Variants in CEP112 observed in about 807,000 individuals in gnomAD.
CEP112 encodes the protein centrosomal protein of 112 kDa.
In CEP112, 127 loss-of-function variants were observed where a neutral mutation model predicts 153.0. The observed-to-expected ratio is 0.83, with a 90% CI of 0.72 to 0.96. CEP112 has a LOEUF of 0.96. Ranked by LOEUF, CEP112 falls within the 40% of genes least tolerant of loss-of-function variation. The pLI is 0.00. For missense variants in CEP112, 1,089 were observed against 1,101.2 expected, an observed-to-expected ratio of 0.99 and a Z score of 0.16; for synonymous variants, 358 against 374.4, an observed-to-expected ratio of 0.96 and a Z score of 0.51.
At chr17:65,907,576 C>T (rs2060130570) in intron 19 of CEP112, among the ~76,000 whole-genome samples, 1 of 152,152 alleles carries the variant, frequency 6.6e-6, no homozygotes, top group Non-Finnish European at 1.5e-5. Context: ...TTCTGGATGT[C>T]ATGAGCCCTT....
At chr17:65,937,987 T>G (rs1599079225) in intron 18 of CEP112, among the ~76,000 whole-genome samples, 1 of 119,450 alleles carries the variant, frequency 8.4e-6, no homozygotes, top group Admixed American at 1.0e-4. Context: ...GGGGGAAAGG[T>G]GGGGAAAAGA....
At chr17:66,111,639 T>C (rs952863145) in intron 6 of CEP112, among the ~76,000 whole-genome samples, 1 of 152,010 alleles carries the variant, frequency 6.6e-6, no homozygotes, top group Non-Finnish European at 1.5e-5. Flanking sequence ...TTCTCACTTA[T>C]AAGTGAGAGC....
intron 12 of CEP112, among the ~76,000 whole-genome samples, chr17:66,048,362 G>A (rs1345921811): frequency 6.6e-6 from 1 of 151,924 alleles, no homozygotes; most frequent in Non-Finnish European, 1.5e-5. Flanking sequence ...ATATATAAGA[G>A]CAGGCATGAC....
At position 65,837,293 on chromosome 17, in the gene CEP112, C is replaced by T. The variant is rs531205176; in HGVS notation, c.2394+14511G>A. Among the ~76,000 whole-genome samples the T allele has an allele frequency of 2.0e-5, 3 of 151,936 alleles. No individual in the cohort carries two copies. The South Asian group carries it at 6.3e-4, about 32-fold the overall frequency. On this transcript the variant is annotated intron_variant, in intron 21 of 26. Transcript: ENST00000535342. ...TCTGGGATGTGAGGAGCCCCTCTGC[C>T]CGGCCGCCCAGTCTGGAAAGTGAGG...
At chr17:65,798,014 G>T (rs1033059041) in intron 21 of CEP112, among the ~76,000 whole-genome samples, 3 of 152,222 alleles carry the variant, frequency 2.0e-5, no homozygotes, top group Non-Finnish European at 2.9e-5. Flanking sequence ...TACTTGCATA[G>T]CGCCCCCTGG....
intron 12 of CEP112, among the ~76,000 whole-genome samples, chr17:66,041,547 G>A (rs561383418): frequency 1.8e-4 from 27 of 152,148 alleles, no homozygotes; most frequent in Admixed American, 6.5e-4. Context: ...TATTTCCTTG[G>A]TCAGGTGAGA....
chr17:66,074,090 G>GA (rs1489142430), intron 8 of CEP112, among the ~76,000 whole-genome samples: 1 of 151,912 alleles, frequency 6.6e-6, no homozygotes, highest in Non-Finnish European at 1.5e-5. Flanking sequence ...AAAATTAAAG[G>GA]AAAATATTAT....
chr17:65,816,981 T>C (rs1441851421), intron 21 of CEP112, among the ~76,000 whole-genome samples: 2 of 152,008 alleles, frequency 1.3e-5, no homozygotes, highest in African/African-American at 2.4e-5. Flanking sequence ...CAGTTGCTTA[T>C]AATTCTTTCT....
intron 21 of CEP112, among the ~76,000 whole-genome samples, chr17:65,845,371 T>C (rs1406624703): frequency 2.6e-5 from 4 of 152,126 alleles, no homozygotes; most frequent in Non-Finnish European, 5.9e-5. Flanking sequence ...CAGGATATCA[T>C]GAAACAATGA....
rs762678173 is a variant in CEP112, at chr17:66,062,947, A to G, written c.1074+16T>C. On this transcript the variant is annotated intron_variant, in intron 11 of 26. Coordinates refer to ENST00000535342, the MANE Select transcript of CEP112 (RefSeq NM_001199165.4). ...ATAAACTTTTATGTTTTCCATTAGTATTTTATGTAGCTTACCTTTTTTTCC... is the reference window on the plus strand; with the variant it reads ...ATAAACTTTTATGTTTTCCATTAGTGTTTTATGTAGCTTACCTTTTTTTCC... 7.5e-7 allele frequency: 1 copy of G among 1,333,614 alleles called. No individual in the cohort carries two copies. The highest frequency in any genetic ancestry group is 2.0e-5 in the Admixed American group (1 of 50,348). The allele number at this position is 1,333,614 out of a possible 1,614,324, so 82.6% of individuals were successfully genotyped here.
chr17:65,924,897 C>T (rs1043066439), intron 19 of CEP112, among the ~76,000 whole-genome samples: 6 of 152,082 alleles, frequency 3.9e-5, no homozygotes, highest in Admixed American at 3.3e-4. Context: ...TTTCATGATA[C>T]GGGCAGCTGC....
chr17:65,989,902 C>A (rs1443524620), intron 17 of CEP112, among the ~76,000 whole-genome samples: 1 of 152,060 alleles, frequency 6.6e-6, no homozygotes, highest in East Asian at 1.9e-4. Flanking sequence ...TAAGTTTTTT[C>A]ATTTTTTGTT....
Position 65,765,939 on chromosome 17 carries a change from G to A in CEP112, c.2395-15215C>T, listed in dbSNP as rs185875091. ...TGAAGACACCAATTCAGAAACACAA[G>A]AAACATGAAAAAGGAAGGAAATATG... is the stretch of plus-strand genomic sequence containing the variant. On this transcript the variant is annotated intron_variant, in intron 21 of 26. Coordinates refer to ENST00000535342, the MANE Select transcript of CEP112 (RefSeq NM_001199165.4). 5.4e-4 allele frequency among the ~76,000 whole-genome samples: 82 copies of A among 151,338 alleles called. 1 individual carries two copies. The highest frequency in any genetic ancestry group is 4.4e-5 in the Non-Finnish European group (3 of 67,614).
chr17:66,161,687 T>C (rs963047057), intron 4 of CEP112, among the ~76,000 whole-genome samples: 5 of 152,026 alleles, frequency 3.3e-5, no homozygotes, highest in African/African-American at 7.2e-5. Flanking sequence ...TGTCAGGGGA[T>C]TGGGGGCTAG....
At chr17:66,123,598 G>C (rs998921226) in intron 6 of CEP112, among the ~76,000 whole-genome samples, 3 of 152,148 alleles carry the variant, frequency 2.0e-5, no homozygotes, top group African/African-American at 7.2e-5. Context: ...TGTTTTGCTA[G>C]GGAGCACATC....
rs2073179235 is a variant in CEP112, at chr17:66,191,983, A to G, written c.-9+14T>C. 1.3e-5 allele frequency: 2 copies of G among 153,428 alleles called. No individual in the cohort carries two copies. Among genetic ancestry groups the G allele is most frequent in the African/African-American group, 4.8e-5 (2 of 41,416 alleles). 9.5% of individuals were successfully genotyped at this position (153,428 alleles called of 1,614,324 possible). On this transcript the variant is annotated intron_variant, in intron 1 of 26. Coordinates refer to ENST00000535342, the MANE Select transcript of CEP112 (RefSeq NM_001199165.4). This position sits in a 1 kb window ranked among gnomAD's most constrained non-coding sequence, Gnocchi z 4.2. The stretch of plus-strand genomic sequence containing the variant: ...GGAGGGGCGGGGGAAGGAAATTCAG[A>G]AAAAAACGAGAACCTGGCACCACCA...
chr17:66,149,506 C>T (rs1409293965), intron 4 of CEP112, among the ~76,000 whole-genome samples: 2 of 152,134 alleles, frequency 1.3e-5, no homozygotes, highest in African/African-American at 4.8e-5. Flanking sequence ...ATTCAATCTG[C>T]TTACTAAAGG....
intron 19 of CEP112, among the ~76,000 whole-genome samples, chr17:65,912,522 T>C (rs1229384807): frequency 6.6e-6 from 1 of 152,162 alleles, no homozygotes; most frequent in African/African-American, 2.4e-5. Context: ...CTGGCTTCTC[T>C]GGCCTAAAGC....
chr17:65,834,046 ACACATTTATAAC>A (rs1322781935), intron 21 of CEP112, among the ~76,000 whole-genome samples: 9 of 152,190 alleles, frequency 5.9e-5, no homozygotes, highest in Admixed American at 5.2e-4. Context: ...AAATAAGGCT[ACACATTTATAAC>A]CACCTGATCT....
Sources: allele counts gnomAD v4.1 joint callset (sites outside exome capture counted in the v4.1 genomes callset), GRCh38; gene constraint gnomAD v4.1.1; non-coding constraint Gnocchi (gnomAD v3.1); transcripts MANE v1.5; gene names NCBI Gene and HGNC (gene_info 2026-07-23, HGNC 2026-07-21).